MESD: variants seen among roughly 807,000 people sequenced by gnomAD.
MESD encodes the protein mesoderm development LRP chaperone, also known as LRP chaperone MESD.
A neutral mutation model predicts 12.9 loss-of-function variants in MESD; 7 were observed. The ratio of observed to expected loss-of-function variants is 0.54; its 90% CI spans 0.31 to 1.02. The LOEUF (loss-of-function observed/expected upper bound fraction) is 1.02, where lower values mean the gene tolerates loss of function less well. Among genes scored for constraint, MESD ranks in the 50% least tolerant of loss-of-function variants. The probability of loss-of-function intolerance (pLI) is 0.05; values close to 1 mark genes in which losing one functional copy is unlikely to be tolerated. For missense variants in MESD, 342 were observed against 296.7 expected, an observed-to-expected ratio of 1.15 and a Z score of -1.12; for synonymous variants, 126 against 115.6, an observed-to-expected ratio of 1.09 and a Z score of -0.58.
At chr15:80,982,438 T>A (rs939686669) in intron 1 of MESD, among the ~76,000 whole-genome samples, 9 of 152,204 alleles carry the variant, frequency 5.9e-5, no homozygotes, top group African/African-American at 2.2e-4. Flanking sequence ...TAAACTCTCA[T>A]ACAATCTACC....
intron 4 of MESD, chr15:80,949,040 G>A (rs755773286): frequency 1.6e-5 from 23 of 1,404,426 alleles, no homozygotes; most frequent in South Asian, 4.6e-5. Flanking sequence ...TGGGAAGGCC[G>A]TGTTTCAGCC....
chr15:80,975,551 G>A (rs1006678701), downstream of MESD, among the ~76,000 whole-genome samples: 1 of 151,880 alleles, frequency 6.6e-6, no homozygotes, highest in Non-Finnish European at 1.5e-5. Context: ...CAATAATCAG[G>A]GACACAGGAA....
downstream of MESD, among the ~76,000 whole-genome samples, chr15:80,972,492 C>G (rs1902309529): frequency 6.6e-6 from 1 of 152,174 alleles, no homozygotes; most frequent in Non-Finnish European, 1.5e-5. Context: ...CAGGGCAGGG[C>G]TGTGCATGTA....
At chr15:80,948,923 G>A (rs1427075548) in intron 4 of MESD, 10 of 1,614,130 alleles carry the variant, frequency 6.2e-6, no homozygotes, top group African/African-American at 2.7e-5. Flanking sequence ...AAGAAGTTGT[G>A]AGGACAGCTG....
chr15:80,982,682 C>A (rs1430895426), intron 1 of MESD, among the ~76,000 whole-genome samples: 1 of 152,096 alleles, frequency 6.6e-6, no homozygotes, highest in Non-Finnish European at 1.5e-5. Flanking sequence ...GAAGGGGGGA[C>A]AAGGGAGGAT....
In MESD at chr15:80,979,223, A is replaced by G. The variant is rs1902504694; in HGVS notation, c.701T>C (p.Leu234Pro). 6.2e-7 allele frequency: 1 copy of G among 1,613,130 alleles called. No homozygotes were observed. Among genetic ancestry groups the G allele is most frequent in the Non-Finnish European group, 8.5e-7 (1 of 1,179,682 alleles). Residue 234 changes from leucine to proline, a missense_variant, in exon 3 of 3, where the codon CTG becomes CCG. Coordinates refer to ENST00000261758, the MANE Select transcript of MESD (RefSeq NM_015154.3). ...ENRAGNKRED[L>P] ...CAGCGCGTCACTGCTGCCCCATCAC[A>G]GGTCTTCTCTTTTATTCCCAGCTCG...
At chr15:80,951,976 CG>C in exon 4 of MESD, 1 of 323,074 alleles carries the variant, frequency 3.1e-6, no homozygotes, top group South Asian at 2.5e-5. Flanking sequence ...TGCCCCAAGG[CG>C]GGGTGTCCAT....
At chr15:80,953,944 G>A (rs371808670) in intron 3 of MESD, among the ~76,000 whole-genome samples, 1 of 152,172 alleles carries the variant, frequency 6.6e-6, no homozygotes, top group African/African-American at 2.4e-5. Context: ...CAGTCCCTGA[G>A]GTGGCATATG....
Position 80,978,595 on chromosome 15 carries a change from A to C in MESD, c.*624T>G, listed in dbSNP as rs543619745. On this transcript the variant is annotated 3_prime_UTR_variant, in exon 3 of 3. Transcript: ENST00000261758. ...CTTTACAGACCACATAAAACCTGAC[A>C]GACACCAAGAGTTCTCTTACTGATG... The C allele has an allele frequency of 6.6e-6, 1 of 152,448 alleles. No individual in the cohort carries two copies. The highest frequency in any genetic ancestry group is 2.4e-5 in the African/African-American group (1 of 41,586). 9.4% of individuals were successfully genotyped at this position (152,448 alleles called of 1,614,324 possible). A position where few individuals can be genotyped will look rare whatever the true frequency, so the allele number is the denominator to read the frequency against.
At chr15:80,984,596 A>G (rs1902679557) in intron 1 of MESD, among the ~76,000 whole-genome samples, 1 of 152,184 alleles carries the variant, frequency 6.6e-6, no homozygotes, top group South Asian at 2.1e-4. Context: ...CTGGCTAGGG[A>G]GTTGGGAGAA....
downstream of MESD, among the ~76,000 whole-genome samples, chr15:80,971,823 G>T (rs1009640569): frequency 2.0e-5 from 3 of 151,936 alleles, no homozygotes; most frequent in Non-Finnish European, 4.4e-5. Flanking sequence ...GACCACGCCT[G>T]TAGTCCCAGC....
chr15:80,984,012 T>C (rs1285953137), intron 1 of MESD, among the ~76,000 whole-genome samples: 7 of 149,934 alleles, frequency 4.7e-5, no homozygotes, highest in Admixed American at 2.7e-4. Context: ...GCGATTCTCC[T>C]GCCTCAGCCT....
At chr15:80,946,856 T>G (rs746454567), downstream of MESD, 24 of 749,096 alleles carry the variant, frequency 3.2e-5, no homozygotes, top group Admixed American at 8.0e-5. Context: ...GACAGGCCTC[T>G]GGGCACTGCT....
At chr15:80,973,667 C>T (rs1205690004), downstream of MESD, among the ~76,000 whole-genome samples, 1 of 152,226 alleles carries the variant, frequency 6.6e-6, no homozygotes, top group African/African-American at 2.4e-5. Flanking sequence ...CTGCCCCTGG[C>T]CCTGCCAGCC....
chr15:80,951,998 G>A (rs1901849083), exon 4 of MESD: 2 of 349,384 alleles, frequency 5.7e-6, no homozygotes. Context: ...AAGAGCAGGT[G>A]GAGATGGTTC....
chr15:80,946,398 A>T (rs1238157504), downstream of MESD: 1 of 155,914 alleles, frequency 6.4e-6, no homozygotes, highest in African/African-American at 2.4e-5. Context: ...CTGTGGTTCT[A>T]ATGAAATCCC....
At position 80,982,178 on chromosome 15, in the gene MESD, T is replaced by C. The variant is rs374050071; in HGVS notation, c.218A>G (p.Asp73Gly). 6.2e-7 allele frequency: 1 copy of C among 1,613,408 alleles called. No homozygotes were observed. The highest frequency in any genetic ancestry group is 8.5e-7 in the Non-Finnish European group (1 of 1,179,410). ...AAGATCTCCTTCTTCAATGTCATCA[T>C]CTTTCTATCAGATTAGGGGAAAAGC... ...MARLLEQWEK[D>G]DDIEEGDLPE... The change falls in exon 2 of 3, where the codon GAT (aspartate) becomes GGT (glycine). Residue 73 changes from aspartate to glycine, a missense_variant. Physicochemically the swap from Asp to Gly is moderately conservative, Grantham distance 94 (BLOSUM62 -1). Coordinates refer to ENST00000261758, the MANE Select transcript of MESD (RefSeq NM_015154.3).
At chr15:80,971,025 T>C (rs562513377), downstream of MESD, among the ~76,000 whole-genome samples, 15 of 152,238 alleles carry the variant, frequency 9.9e-5, no homozygotes, top group Middle Eastern at 3.4e-3. Context: ...TTAACAGGAT[T>C]CTTGCTAAAA....
At chr15:80,947,729 T>C (rs1901623892) in exon 5 of MESD, 1 of 153,688 alleles carries the variant, frequency 6.5e-6, no homozygotes, top group African/African-American at 2.4e-5. Context: ...ATGATCATTG[T>C]GGTTGCTATT....
Sources: allele counts gnomAD v4.1 joint callset (sites outside exome capture counted in the v4.1 genomes callset), GRCh38; gene constraint gnomAD v4.1.1; transcripts MANE v1.5; gene names NCBI Gene and HGNC (gene_info 2026-07-23, HGNC 2026-07-21).